Variants in FAM53B observed in about 807,000 individuals in gnomAD.
The protein encoded by FAM53B is protein FAM53B.
FAM53B carries 12 observed loss-of-function variants against 32.7 expected under a neutral mutation model. That is an observed-to-expected ratio of 0.37 (90% CI 0.24 to 0.59). The LOEUF (loss-of-function observed/expected upper bound fraction) is 0.59, where lower values mean the gene tolerates loss of function less well. Among genes scored for constraint, FAM53B ranks in the 20% least tolerant of loss-of-function variants. FAM53B has a pLI of 0.72. For missense variants in FAM53B, 477 were observed against 577.7 expected (o/e 0.83, Z 1.79); for synonymous variants, 234 against 228.7 (o/e 1.02, Z -0.21).
intron 1 of FAM53B, among the ~76,000 whole-genome samples, chr10:124,715,944 G>C (rs1002997801): frequency 6.6e-6 from 1 of 152,204 alleles, no homozygotes; most frequent in Admixed American, 6.5e-5. Flanking sequence ...TCATAAATTG[G>C]ATAAAAGCAT....
intron 1 of FAM53B, among the ~76,000 whole-genome samples, chr10:124,741,752 C>A (rs1950201461): frequency 6.6e-6 from 1 of 152,198 alleles, no homozygotes; most frequent in Admixed American, 6.5e-5. Context: ...TTAAGCGTAA[C>A]CACCACGGTG....
At chr10:124,692,531 A>G (rs1949840365) in intron 3 of FAM53B, among the ~76,000 whole-genome samples, 1 of 151,994 alleles carries the variant, frequency 6.6e-6, no homozygotes, top group Non-Finnish European at 1.5e-5. Context: ...CCTGACCAAC[A>G]TGGTGAAACC....
chr10:124,634,816 T>G (rs1949417143), intron 4 of FAM53B, among the ~76,000 whole-genome samples: 1 of 152,222 alleles, frequency 6.6e-6, no homozygotes, highest in African/African-American at 2.4e-5. Flanking sequence ...GTATGGACTT[T>G]CTTTTGAGGT....
At chr10:124,646,301 G>A (rs2134047718) in intron 4 of FAM53B, among the ~76,000 whole-genome samples, 1 of 152,352 alleles carries the variant, frequency 6.6e-6, no homozygotes, top group South Asian at 2.1e-4. Context: ...CTTCAAGAAT[G>A]TTTCCATCGT....
At chr10:124,649,255 GTT>G (rs1052513919) in intron 4 of FAM53B, among the ~76,000 whole-genome samples, 3 of 152,252 alleles carry the variant, frequency 2.0e-5, no homozygotes, top group African/African-American at 7.2e-5. Flanking sequence ...TTATTTCGAA[GTT>G]TCCATGTCTT....
chr10:124,665,882 A>G (rs1465366134), intron 4 of FAM53B, among the ~76,000 whole-genome samples: 1 of 152,232 alleles, frequency 6.6e-6, no homozygotes, highest in Non-Finnish European at 1.5e-5. Context: ...TCAGAGGACA[A>G]GACTAGCTCA....
intron 1 of FAM53B, among the ~76,000 whole-genome samples, chr10:124,709,688 T>C (rs189476816): frequency 6.6e-6 from 1 of 152,220 alleles, no homozygotes; most frequent in East Asian, 1.9e-4. Context: ...TGTTGTTACA[T>C]AAGGGAATAC....
At chr10:124,701,037 C>T (rs1408753060) in intron 2 of FAM53B, among the ~76,000 whole-genome samples, 1 of 152,262 alleles carries the variant, frequency 6.6e-6, no homozygotes, top group East Asian at 1.9e-4. Context: ...CTGGCCCTGA[C>T]TCCTGAGGCT....
In FAM53B at chr10:124,706,615, G is replaced by A. The variant is rs186551358; in HGVS notation, c.78+21C>T. On this transcript the variant is annotated intron_variant, in intron 2 of 4. Coordinates refer to ENST00000337318, the MANE Select transcript of FAM53B (RefSeq NM_014661.4). ...GCCTCAGAAATGGTCATGGAAAGCA[G>A]GAAGCCTGCCAGGTCCTCACCAGTT... is the stretch of plus-strand genomic sequence containing the variant. 30 of 1,614,170 alleles carry A rather than the reference G, an allele frequency of 1.9e-5. No homozygotes were observed. In the Admixed American group the frequency reaches 4.3e-4, roughly 23 times the overall value.
chr10:124,648,389 G>A (rs1949533752), intron 4 of FAM53B, among the ~76,000 whole-genome samples: 1 of 152,262 alleles, frequency 6.6e-6, no homozygotes, highest in Admixed American at 6.5e-5. Flanking sequence ...GGTCTGGGAA[G>A]CTGGGGTAGG....
intron 1 of FAM53B, chr10:124,713,510 T>C (rs1016461970): frequency 1.3e-5 from 2 of 152,230 alleles, no homozygotes; most frequent in Admixed American, 1.3e-4. Flanking sequence ...ACTCTCAGCT[T>C]CCAGCAAGTG....
intron 4 of FAM53B, among the ~76,000 whole-genome samples, chr10:124,626,576 G>A (rs1039360607): frequency 1.3e-5 from 2 of 152,164 alleles, no homozygotes; most frequent in African/African-American, 2.4e-5. Context: ...ACAAGACCCC[G>A]ATCCTGTTGG....
intron 4 of FAM53B, among the ~76,000 whole-genome samples, chr10:124,658,209 C>T (rs1348767495): frequency 6.6e-6 from 1 of 152,242 alleles, no homozygotes; most frequent in Non-Finnish European, 1.5e-5. Flanking sequence ...AAGGAAAACA[C>T]TGGTGTGCTT....
chr10:124,632,522 C>T (rs1027111089), intron 4 of FAM53B, among the ~76,000 whole-genome samples: 7 of 152,316 alleles, frequency 4.6e-5, no homozygotes, highest in Non-Finnish European at 7.3e-5. Flanking sequence ...GCAGGACTAG[C>T]GATGCAGAAG....
intron 4 of FAM53B, among the ~76,000 whole-genome samples, chr10:124,677,734 G>A (rs1293251057): frequency 6.6e-6 from 1 of 152,212 alleles, no homozygotes; most frequent in South Asian, 2.1e-4. Context: ...ACCCCACCCT[G>A]TGTGTCTCAT....
At chr10:124,694,354 C>T (rs182706253) in intron 3 of FAM53B, among the ~76,000 whole-genome samples, 1 of 152,368 alleles carries the variant, frequency 6.6e-6, no homozygotes, top group Admixed American at 6.5e-5. Context: ...CCGATAGACT[C>T]TCCTGGGCCA....
At chr10:124,624,920 C>T (rs1008731133) in intron 4 of FAM53B, among the ~76,000 whole-genome samples, 6 of 152,176 alleles carry the variant, frequency 3.9e-5, no homozygotes, top group African/African-American at 9.7e-5. Context: ...CAGAGGGGAG[C>T]GAGGGAAGAG....
chr10:124,669,068 C>A (rs1949691260), intron 4 of FAM53B, among the ~76,000 whole-genome samples: 1 of 152,218 alleles, frequency 6.6e-6, no homozygotes, highest in Non-Finnish European at 1.5e-5. Flanking sequence ...TCCTCCCCGC[C>A]ATTCAAGACA....
intron 1 of FAM53B, among the ~76,000 whole-genome samples, chr10:124,714,550 G>C (rs1950026796): frequency 6.6e-6 from 1 of 151,952 alleles, no homozygotes; most frequent in East Asian, 1.9e-4. Context: ...CACAAGGTCA[G>C]GAGATCGAGA....
Sources: gnomAD v4.1 joint callset for allele counts (sites outside exome capture counted in the v4.1 genomes callset) on GRCh38, gnomAD v4.1.1 for gene constraint, MANE v1.5 for transcripts, NCBI Gene and HGNC (gene_info 2026-07-23, HGNC 2026-07-21) for gene names.